Variants in SUGCT observed in about 807,000 individuals in gnomAD.
The protein encoded by SUGCT is succinyl-CoA:glutarate CoA-transferase.
SUGCT carries 41 observed loss-of-function variants against 55.0 expected under a neutral mutation model. The ratio of observed to expected loss-of-function variants is 0.74; its 90% CI spans 0.58 to 0.97. The LOEUF (loss-of-function observed/expected upper bound fraction) is 0.97, where lower values mean the gene tolerates loss of function less well. SUGCT is among the 50% of genes least tolerant of loss of function. The pLI, the probability that SUGCT is intolerant of heterozygous loss-of-function variation, is 0.00. For missense variants in SUGCT, 568 were observed against 547.8 expected, an observed-to-expected ratio of 1.04 and a Z score of -0.37; for synonymous variants, 187 against 200.4, an observed-to-expected ratio of 0.93 and a Z score of 0.56.
chr7:40,335,047 A>C (rs891199949), intron 9 of SUGCT, among the ~76,000 whole-genome samples: 8 of 152,192 alleles, frequency 5.3e-5, no homozygotes, highest in African/African-American at 1.9e-4. Context: ...AGGTTTGTCA[A>C]AGATCAGATG....
chr7:40,197,857 T>C (rs1379954481), intron 6 of SUGCT, among the ~76,000 whole-genome samples: 1 of 152,182 alleles, frequency 6.6e-6, no homozygotes, highest in African/African-American at 2.4e-5. Context: ...GTTAGTCTAC[T>C]TGGGAAGCCC....
chr7:40,228,448 A>AT (rs904466273), intron 6 of SUGCT, among the ~76,000 whole-genome samples: 1 of 150,372 alleles, frequency 6.7e-6, no homozygotes, highest in Non-Finnish European at 1.5e-5. Flanking sequence ...TGTGATGTTA[A>AT]TTTTTTTTTG....
chr7:40,895,321 G>C, the SUGCT span, among the ~76,000 whole-genome samples: 1 of 152,140 alleles, frequency 6.6e-6, no homozygotes, highest in East Asian at 1.9e-4. Flanking sequence ...AGGGTGGAGG[G>C]TGGGAGGAGG....
intron 1 of SUGCT, among the ~76,000 whole-genome samples, chr7:40,162,367 A>G (rs1004968505): frequency 2.6e-5 from 4 of 152,216 alleles, no homozygotes; most frequent in African/African-American, 9.6e-5. Context: ...GAGAAGGCTT[A>G]TTGTGAAAGA....
At chr7:40,825,256 G>GT (rs921648012) in intron 13 of SUGCT, among the ~76,000 whole-genome samples, 7 of 152,110 alleles carry the variant, frequency 4.6e-5, no homozygotes, top group Non-Finnish European at 8.8e-5. Flanking sequence ...AAAATAAATT[G>GT]TTTTTTTGAT....
At chr7:41,019,120 G>A in the SUGCT span, among the ~76,000 whole-genome samples, 1 of 151,992 alleles carries the variant, frequency 6.6e-6, no homozygotes, top group Non-Finnish European at 1.5e-5. Context: ...TAGCCAGGCT[G>A]GTCTTGAACT....
chr7:40,757,848 C>T (rs772307337), intron 13 of SUGCT, among the ~76,000 whole-genome samples: 8 of 152,100 alleles, frequency 5.3e-5, no homozygotes, highest in Non-Finnish European at 8.8e-5. Flanking sequence ...TTCTTGATTG[C>T]GTTCCTGGTA....
intron 6 of SUGCT, among the ~76,000 whole-genome samples, chr7:40,226,908 TCAAA>T (rs966809716): frequency 4.6e-5 from 7 of 151,746 alleles, no homozygotes; most frequent in East Asian, 1.9e-4. Context: ...AACTTTTGTC[TCAAA>T]CAAACAAACA....
the SUGCT span, among the ~76,000 whole-genome samples, chr7:40,959,747 G>T: frequency 1.3e-5 from 2 of 152,034 alleles, no homozygotes; most frequent in Non-Finnish European, 2.9e-5. Flanking sequence ...CAGCTAGCTT[G>T]GTGTCTGCCC....
the SUGCT span, among the ~76,000 whole-genome samples, chr7:40,937,991 A>G: frequency 6.6e-6 from 1 of 152,102 alleles, no homozygotes; most frequent in Non-Finnish European, 1.5e-5. Flanking sequence ...GCAGTTCACA[A>G]TTGGGTTTGT....
chr7:41,026,941 A>G, the SUGCT span, among the ~76,000 whole-genome samples: 9 of 152,172 alleles, frequency 5.9e-5, no homozygotes, highest in African/African-American at 2.2e-4. Context: ...CTGAGGCAGG[A>G]GAATTGCTTG....
At chr7:40,403,175 C>T (rs1786175426) in intron 9 of SUGCT, among the ~76,000 whole-genome samples, 1 of 152,062 alleles carries the variant, frequency 6.6e-6, no homozygotes, top group Admixed American at 6.6e-5. Context: ...CACATTTTTG[C>T]TGTCATTTTC....
chr7:40,608,116 T>C (rs1171288795), intron 12 of SUGCT, among the ~76,000 whole-genome samples: 1 of 152,238 alleles, frequency 6.6e-6, no homozygotes, highest in Non-Finnish European at 1.5e-5. Flanking sequence ...TGAAGCTCTT[T>C]GTATCAAACA....
At chr7:40,708,413 C>T (rs1173629504) in intron 12 of SUGCT, among the ~76,000 whole-genome samples, 1 of 152,200 alleles carries the variant, frequency 6.6e-6, no homozygotes, top group African/African-American at 2.4e-5. Flanking sequence ...GGTCAATAAA[C>T]TTTTCTGGAA....
the SUGCT span, among the ~76,000 whole-genome samples, chr7:41,033,404 A>G: frequency 6.6e-6 from 1 of 152,242 alleles, no homozygotes; most frequent in East Asian, 1.9e-4. Flanking sequence ...TGGCTTTTGC[A>G]GAGGTAGCTG....
At chr7:40,974,875 A>G in the SUGCT span, among the ~76,000 whole-genome samples, 2 of 152,218 alleles carry the variant, frequency 1.3e-5, no homozygotes, top group Non-Finnish European at 1.5e-5. Context: ...TGTAAAATGT[A>G]GACATATCCC....
chr7:40,721,161 C>T (rs967944492), intron 12 of SUGCT, among the ~76,000 whole-genome samples: 1 of 152,142 alleles, frequency 6.6e-6, no homozygotes, highest in Non-Finnish European at 1.5e-5. Context: ...AAGCAGAACC[C>T]AAACAGTCCA....
chr7:40,608,510 G>T (rs914236911), intron 12 of SUGCT, among the ~76,000 whole-genome samples: 1 of 152,122 alleles, frequency 6.6e-6, no homozygotes, highest in African/African-American at 2.4e-5. Context: ...CCACTGTTTT[G>T]TGGTATAATA....
chr7:40,637,926 G>C (rs1437082224), intron 12 of SUGCT, among the ~76,000 whole-genome samples: 1 of 152,194 alleles, frequency 6.6e-6, no homozygotes, highest in Non-Finnish European at 1.5e-5. Flanking sequence ...CTAATGACTT[G>C]TACAGAGTAT....
Sources: allele counts gnomAD v4.1 joint callset (sites outside exome capture counted in the v4.1 genomes callset), GRCh38; gene constraint gnomAD v4.1.1; transcripts MANE v1.5; gene names NCBI Gene and HGNC (gene_info 2026-07-23, HGNC 2026-07-21).